COL6A5: variants seen among roughly 807,000 people sequenced by gnomAD.
COL6A5 encodes the protein collagen type VI alpha 5 chain.
COL6A5 carries 48 observed loss-of-function variants against 65.6 expected under a neutral mutation model. The ratio of observed to expected loss-of-function variants is 0.73; its 90% confidence interval spans 0.58 to 0.93. The LOEUF (loss-of-function observed/expected upper bound fraction) is 0.93. COL6A5 is among the 40% of genes least tolerant of loss of function. The pLI, the probability that COL6A5 is intolerant of heterozygous loss-of-function variation, is 0.00. For missense variants in COL6A5, 914 were observed against 928.3 expected (o/e 0.98, Z 0.20); for synonymous variants, 291 against 322.8 (o/e 0.90, Z 1.05).
intron 1 of COL6A5, among the ~76,000 whole-genome samples, chr3:130,350,847 A>T (rs1297798858): frequency 1.3e-5 from 2 of 152,250 alleles, no homozygotes; most frequent in Non-Finnish European, 2.9e-5. Context: ...AAGCACCTGC[A>T]TTGCCAAGAC....
At chr3:130,429,120 C>T (rs1335929569), upstream of COL6A5, among the ~76,000 whole-genome samples, 1 of 152,112 alleles carries the variant, frequency 6.6e-6, no homozygotes, top group Non-Finnish European at 1.5e-5. Context: ...TGGAAATCCC[C>T]CTATGGTTGT....
chr3:130,475,717 A>T (rs1710076216), intron 7 of COL6A5, among the ~76,000 whole-genome samples: 1 of 152,106 alleles, frequency 6.6e-6, no homozygotes, highest in African/African-American at 2.4e-5. Flanking sequence ...AGGGACACAA[A>T]TGAGAAATCA....
exon 1 of COL6A5, chr3:130,345,940 G>T: frequency 2.5e-6 from 1 of 398,646 alleles, no homozygotes; most frequent in East Asian, 3.6e-5. Flanking sequence ...GTTGGGGGCG[G>T]TTTCCAGGGT....
At chr3:130,360,217 A>T (rs528408936) in intron 1 of COL6A5, among the ~76,000 whole-genome samples, 6 of 152,280 alleles carry the variant, frequency 3.9e-5, no homozygotes, top group Admixed American at 3.3e-4. Context: ...GCATAAATGT[A>T]ATGCAGTGGC....
intron 7 of COL6A5, among the ~76,000 whole-genome samples, 160 bp downstream of exon 40, chr3:130,472,086 T>C (rs557968035): frequency 1.3e-5 from 2 of 152,074 alleles, no homozygotes; most frequent in South Asian, 4.2e-4. Context: ...AGATAAAACT[T>C]CAGAAAGGCA....
intron 4 of COL6A5, among the ~76,000 whole-genome samples, chr3:130,450,785 C>T (rs1043457349): frequency 3.3e-5 from 5 of 152,056 alleles, no homozygotes; most frequent in South Asian, 2.1e-4. Context: ...GTCTGTAGCG[C>T]GTAATTTATC....
chr3:130,481,270 C>A (rs1710234200), intron 7 of COL6A5, among the ~76,000 whole-genome samples: 1 of 149,936 alleles, frequency 6.7e-6, no homozygotes, highest in African/African-American at 2.5e-5. Context: ...TTGTTCAGCT[C>A]CAACTTATGA....
At chr3:130,384,597 A>G (rs1157702296) in intron 4 of COL6A5, among the ~76,000 whole-genome samples, 1 of 152,054 alleles carries the variant, frequency 6.6e-6, no homozygotes, top group Non-Finnish European at 1.5e-5. Flanking sequence ...AAACCACTAC[A>G]TTTTGCCCTG....
upstream of COL6A5, chr3:130,429,560 C>G: frequency 6.5e-7 from 1 of 1,546,496 alleles, no homozygotes; most frequent in Non-Finnish European, 8.7e-7. Context: ...TTTTCCCTCT[C>G]TCCTTTTCAC....
At chr3:130,446,427 G>A (rs1045122874) in intron 4 of COL6A5, among the ~76,000 whole-genome samples, 4 of 152,178 alleles carry the variant, frequency 2.6e-5, no homozygotes, top group Admixed American at 2.6e-4. Flanking sequence ...GAGATTCAGT[G>A]CTGAAGGAGG....
chr3:130,454,088 C>A (rs527519988), intron 4 of COL6A5, among the ~76,000 whole-genome samples: 1 of 152,254 alleles, frequency 6.6e-6, no homozygotes, highest in Admixed American at 6.5e-5. Flanking sequence ...ACAAATCTAG[C>A]TGTAAATATT....
intron 1 of COL6A5, among the ~76,000 whole-genome samples, chr3:130,367,054 T>C (rs1405782380): frequency 1.3e-5 from 2 of 152,204 alleles, no homozygotes; most frequent in Non-Finnish European, 2.9e-5. Flanking sequence ...TTCAGTTCCA[T>C]AAATTATCTA....
intron 4 of COL6A5, among the ~76,000 whole-genome samples, chr3:130,453,611 A>G (rs937259988): frequency 6.6e-6 from 1 of 152,198 alleles, no homozygotes; most frequent in Non-Finnish European, 1.5e-5. Flanking sequence ...CTAAATAAAA[A>G]TATAACAAAT....
chr3:130,451,693 G>T (rs1047382368), intron 4 of COL6A5, among the ~76,000 whole-genome samples: 3 of 152,092 alleles, frequency 2.0e-5, no homozygotes, highest in African/African-American at 7.2e-5. Flanking sequence ...ATCATCGGGG[G>T]TGACCGTAAG....
At chr3:130,473,581 T>C (rs1402561618) in intron 7 of COL6A5, among the ~76,000 whole-genome samples, 2 of 152,112 alleles carry the variant, frequency 1.3e-5, no homozygotes, top group Non-Finnish European at 2.9e-5. Flanking sequence ...TAACTCAGTA[T>C]ACCACTGGAG....
chr3:130,403,499 A>G (rs1936881363), intron 12 of COL6A5, 110 bp from the exon 13 acceptor site: 1 of 895,112 alleles, frequency 1.1e-6, no homozygotes, highest in African/African-American at 1.7e-5. Context: ...ATCTGCAGAA[A>G]CTGCAACCAA....
At chr3:130,451,225 T>C (rs1192805242) in intron 4 of COL6A5, among the ~76,000 whole-genome samples, 2 of 152,132 alleles carry the variant, frequency 1.3e-5, no homozygotes, top group African/African-American at 4.8e-5. Flanking sequence ...TCCACTTGTT[T>C]CTTTGTTTTG....
intron 17 of COL6A5, among the ~76,000 whole-genome samples, chr3:130,409,086 A>G (rs1392584856): frequency 6.6e-6 from 1 of 152,164 alleles, no homozygotes; most frequent in East Asian, 1.9e-4. Context: ...AGAAACTCCT[A>G]TTGGACAGTG....
chr3:130,424,256 T>A (rs1485046246), intron 29 of COL6A5, among the ~76,000 whole-genome samples: 4 of 152,084 alleles, frequency 2.6e-5, no homozygotes, highest in Non-Finnish European at 4.4e-5. Context: ...TAACTCCAGG[T>A]TGATGGAGTT....
Sources: allele counts gnomAD v4.1 joint callset (sites outside exome capture counted in the v4.1 genomes callset), GRCh38; gene constraint gnomAD v4.1.1; transcripts MANE v1.5; gene names NCBI Gene and HGNC (gene_info 2026-07-23, HGNC 2026-07-21).